Variants in PCDH15 observed in about 807,000 individuals in gnomAD.
PCDH15 encodes protocadherin related 15.
In PCDH15, 129 loss-of-function variants were observed where a neutral mutation model predicts 178.5. That is an observed-to-expected ratio of 0.72 (90% CI 0.63 to 0.84). The LOEUF (loss-of-function observed/expected upper bound fraction) is 0.84. PCDH15 is among the 40% of genes least tolerant of loss of function. The pLI, the probability that PCDH15 is intolerant of heterozygous loss-of-function variation, is 0.00. For missense variants in PCDH15, 2,230 were observed against 2,099.9 expected, an observed-to-expected ratio of 1.06 and a Z score of -1.21; for synonymous variants, 800 against 732.0, an observed-to-expected ratio of 1.09 and a Z score of -1.50.
chr10:54,538,766 G>A (rs1199541383), intron 2 of PCDH15, among the ~76,000 whole-genome samples: 1 of 152,050 alleles, frequency 6.6e-6, no homozygotes, highest in Non-Finnish European at 1.5e-5. Flanking sequence ...CTCCTACTTT[G>A]GCCATGTCCC....
chr10:54,451,012 C>A (rs1189532610), intron 3 of PCDH15, among the ~76,000 whole-genome samples: 1 of 151,810 alleles, frequency 6.6e-6, no homozygotes, highest in African/African-American at 2.4e-5. Context: ...ATTCACCTAA[C>A]TCAAAAATGT....
At chr10:53,808,442 G>T (rs1170217446) in intron 37 of PCDH15, 48 of 1,240,514 alleles carry the variant, frequency 3.9e-5, no homozygotes, top group Middle Eastern at 3.2e-4. Context: ...ATTAAATATT[G>T]ATTAGCTGAT....
chr10:53,996,223 T>A (rs1388692418), intron 20 of PCDH15, among the ~76,000 whole-genome samples: 1 of 152,090 alleles, frequency 6.6e-6, no homozygotes, highest in African/African-American at 2.4e-5. Flanking sequence ...ACTAGAACAT[T>A]TCAGATACAA....
intron 37 of PCDH15, chr10:53,809,134 G>C (rs181269166): frequency 6.2e-7 from 1 of 1,613,774 alleles, no homozygotes; most frequent in African/African-American, 1.3e-5. Flanking sequence ...TGATTCAGGG[G>C]TGGAACTCTC....
intron 3 of PCDH15, among the ~76,000 whole-genome samples, chr10:54,395,314 C>T (rs1951060921): frequency 6.6e-6 from 1 of 151,794 alleles, no homozygotes; most frequent in Admixed American, 6.6e-5. Flanking sequence ...TCTGCCATGG[C>T]TTCAGCAGGT....
chr10:54,887,871 A>G (rs550706526), intron 3 of PCDH15, among the ~76,000 whole-genome samples: 2 of 152,264 alleles, frequency 1.3e-5, no homozygotes, highest in South Asian at 4.1e-4. Flanking sequence ...ATGAAAAACA[A>G]ATAATTTCTA....
intron 15 of PCDH15, among the ~76,000 whole-genome samples, chr10:54,126,272 T>C (rs538783663): frequency 1.3e-5 from 2 of 152,156 alleles, no homozygotes; most frequent in Admixed American, 6.5e-5. Flanking sequence ...GGATTCACCA[T>C]ATTGGCCAGA....
chr10:55,325,539 C>T lies in PCDH15; in HGVS notation c.-155-158888G>A, dbSNP rs150788112. ...ATACGCAGAAGATCAAAACTGGACC[C>T]CTTACTTACACCGTATACAAAAATC... On this transcript the variant is annotated intron_variant, in intron 2 of 5. Transcript: ENST00000613346. Among the ~76,000 whole-genome samples, 387 of 152,152 alleles carry T rather than the reference C, an allele frequency of 2.5e-3. 2 individuals are homozygous for T. Among genetic ancestry groups the T allele is most frequent in the Admixed American group, 4.8e-3 (73 of 15,286 alleles).
At chr10:55,280,317 A>C (rs1842698222) in intron 1 of PCDH15, among the ~76,000 whole-genome samples, 1 of 114,860 alleles carries the variant, frequency 8.7e-6, no homozygotes, top group Non-Finnish European at 1.6e-5. Context: ...TTGCTCTGTG[A>C]CCCAGGCTGG....
chr10:54,842,409 G>A (rs975319743), intron 3 of PCDH15, among the ~76,000 whole-genome samples: 3 of 151,574 alleles, frequency 2.0e-5, no homozygotes, highest in Non-Finnish European at 3.0e-5. Flanking sequence ...TGACCTGCCC[G>A]TCTGCATCCA....
At chr10:54,338,268 A>G (rs1439915100) in intron 6 of PCDH15, among the ~76,000 whole-genome samples, 1 of 152,170 alleles carries the variant, frequency 6.6e-6, no homozygotes, top group Non-Finnish European at 1.5e-5. Context: ...TTATGAATTT[A>G]TGGAGGCATG....
At chr10:55,061,402 A>G (rs1841427318) in intron 2 of PCDH15, among the ~76,000 whole-genome samples, 1 of 152,160 alleles carries the variant, frequency 6.6e-6, no homozygotes, top group Non-Finnish European at 1.5e-5. Flanking sequence ...CAGAACATTG[A>G]TTATGCTGGC....
intron 7 of PCDH15, 28 bp from the exon 8 acceptor site, chr10:54,317,469 T>G (rs2133654747): frequency 6.2e-7 from 1 of 1,611,976 alleles, no homozygotes; most frequent in South Asian, 1.1e-5. Flanking sequence ...AAACAACAGG[T>G]AGTTTATAGA....
intron 2 of PCDH15, among the ~76,000 whole-genome samples, chr10:54,612,074 A>T (rs2092980212): frequency 6.6e-6 from 1 of 151,884 alleles, no homozygotes; most frequent in African/African-American, 2.4e-5. Context: ...TTATTTCTAC[A>T]AAATAGTTCT....
chr10:55,283,982 T>C (rs115428194), intron 1 of PCDH15, among the ~76,000 whole-genome samples: 1 of 152,154 alleles, frequency 6.6e-6, no homozygotes, highest in Non-Finnish European at 1.5e-5. Context: ...TACATGGCTT[T>C]GTATATTACA....
At chr10:55,061,151 T>C (rs1841419146) in intron 2 of PCDH15, among the ~76,000 whole-genome samples, 2 of 152,084 alleles carry the variant, frequency 1.3e-5, no homozygotes, top group South Asian at 4.1e-4. Flanking sequence ...TCACAGATAA[T>C]ATTTGAGAAG....
chr10:55,190,251 G>A (rs1264426508), intron 1 of PCDH15, among the ~76,000 whole-genome samples: 1 of 121,592 alleles, frequency 8.2e-6, no homozygotes, highest in Non-Finnish European at 1.8e-5. Context: ...TGTCATATTG[G>A]CTCTGAAGTT....
chr10:53,886,353 CCTTATTATGCTTTTGGAAAACGGTTAGA>C lies in PCDH15; in HGVS notation c.3501+16862_3501+16889del, dbSNP rs1589249699. ...TGGTTAAATAAAACCTCACATTTGT[CCTTATTATGCTTTTGGAAAACGGTTAGA>C]CTTAAATATATCAAAACTTTATTTT... On this transcript the variant is annotated intron_variant, in intron 26 of 37. Coordinates refer to ENST00000644397, the MANE Select transcript of PCDH15 (RefSeq NM_001384140.1). Among the ~76,000 whole-genome samples the C allele has an allele frequency of 3.9e-5, 6 of 152,104 alleles. No individual in the cohort carries two copies. The South Asian group carries it at 1.2e-3, about 32-fold the overall frequency.
rs1343074996 is a variant in PCDH15, at chr10:53,814,378, A to C, written c.4491+1861T>G. Among the ~76,000 whole-genome samples, 4 of 152,130 alleles carry C rather than the reference A, an allele frequency of 2.6e-5. No homozygotes were observed. The East Asian group carries it at 7.7e-4, about 29-fold the overall frequency. ...GGATTTTAGAAGTCAGCATCAAAGA[A>C]TTTTCTTTACATAAATACTTTTTCT... On this transcript the variant is annotated intron_variant, in intron 35 of 37. Transcript: ENST00000644397.
Sources: gnomAD v4.1 joint callset for allele counts (sites outside exome capture counted in the v4.1 genomes callset) on GRCh38, gnomAD v4.1.1 for gene constraint, MANE v1.5 for transcripts, NCBI Gene and HGNC (gene_info 2026-07-23, HGNC 2026-07-21) for gene names.